Variants in TP53I13 observed in about 807,000 individuals in gnomAD.
TP53I13 encodes tumor protein p53 inducible protein 13, also known as tumor protein p53-inducible protein 13.
Under a neutral mutation model 39.1 loss-of-function variants are expected in TP53I13, and 27 were observed. That is an observed-to-expected ratio of 0.69 (90% CI 0.51 to 0.95). TP53I13 has a LOEUF of 0.95. Ranked by LOEUF, TP53I13 falls within the 40% of genes least tolerant of loss-of-function variation. TP53I13 has a pLI of 0.00. For synonymous variants in TP53I13, 230 were observed against 224.6 expected (o/e 1.02, Z -0.22); for missense variants, 544 against 520.4 (o/e 1.05, Z -0.44).
intron 2 of TP53I13, 94 bp downstream of exon 2, chr17:29,569,180 G>A: frequency 6.7e-7 from 1 of 1,495,090 alleles, no homozygotes; most frequent in Non-Finnish European, 9.1e-7. Flanking sequence ...CACCATCTGA[G>A]GACCTCTGCC....
At chr17:29,576,226 G>A (rs778326050), downstream of TP53I13, 9 of 1,607,740 alleles carry the variant, frequency 5.6e-6, no homozygotes, top group African/African-American at 1.2e-4. Flanking sequence ...TCACAGTGCT[G>A]TGGAAAGGCT....
chr17:29,575,924 G>C, downstream of TP53I13: 3 of 1,582,664 alleles, frequency 1.9e-6, no homozygotes, highest in East Asian at 2.3e-5. The surrounding 1 kb of genome is among the most constrained non-coding windows in gnomAD (Gnocchi z 5.5). Flanking sequence ...GCGCTGGATG[G>C]AGTCAGTGTG....
downstream of TP53I13, chr17:29,575,706 G>A (rs752519780): frequency 1.9e-6 from 3 of 1,612,380 alleles, no homozygotes; most frequent in East Asian, 6.7e-5. The surrounding 1 kb of genome is among the most constrained non-coding windows in gnomAD (Gnocchi z 5.5). Flanking sequence ...AGCTTGCTCT[G>A]GAGGGCGGAG....
chr17:29,578,642 G>A, the TP53I13 span: 17 of 1,201,290 alleles, frequency 1.4e-5, no homozygotes, highest in African/African-American at 4.5e-5. Context: ...AAAGGTCATC[G>A]AGTCAGAGGC....
chr17:29,576,839 T>C, downstream of TP53I13: 1 of 1,576,098 alleles, frequency 6.3e-7, no homozygotes, highest in Non-Finnish European at 8.6e-7. Context: ...CACAGGGGAG[T>C]GGGAAGGAGG....
At position 29,572,229 on chromosome 17, in the gene TP53I13, G is replaced by A. The variant is rs2032969041; in HGVS notation, c.601G>A (p.Gly201Ser). The change falls in exon 6 of 7, where the codon GGT (glycine) becomes AGT (serine). Residue 201 changes from glycine (G) to serine (S), a missense_variant. Physicochemically the swap from Gly to Ser is moderately conservative, Grantham distance 56. Coordinates refer to ENST00000301057, the MANE Select transcript of TP53I13 (RefSeq NM_138349.4). ...SQGPRQPSSSGAKRRRLRAAL... is the reference protein window; with the variant it reads ...SQGPRQPSSSSAKRRRLRAAL... ...AGGGCCCAGGCAGCCCTCTTCTAGT[G>A]GTGCCAAGAGGCGGAGGCTGCGGGC... 2 of 1,612,384 alleles carry A rather than the reference G, an allele frequency of 1.2e-6. No individual in the cohort carries two copies. Among genetic ancestry groups the A allele is most frequent in the African/African-American group, 2.7e-5 (2 of 75,062 alleles).
In TP53I13 at chr17:29,568,909, G is replaced by A; in HGVS notation, c.72+79G>A. Reference sequence around the variant, plus strand: ...CCAAAAGTTCGTCCTGGAAGGAGTGGCGCGCCGAGGGGGACGCGGAGTTCT... The same window carrying A: ...CCAAAAGTTCGTCCTGGAAGGAGTGACGCGCCGAGGGGGACGCGGAGTTCT... On this transcript the variant is annotated intron_variant, in intron 1 of 6. Transcript: ENST00000301057. This position sits in a 1 kb window ranked among gnomAD's most constrained non-coding sequence, Gnocchi z 4.5. 6.3e-7 allele frequency: 1 copy of A among 1,597,164 alleles called. No homozygotes were observed. The highest frequency in any genetic ancestry group is 1.7e-4 in the Middle Eastern group (1 of 6,048).
downstream of TP53I13, chr17:29,576,753 G>A: frequency 6.3e-7 from 1 of 1,591,530 alleles, no homozygotes; most frequent in Non-Finnish European, 8.6e-7. Flanking sequence ...TTGAGGCTAG[G>A]AGCAGCCCAC....
At chr17:29,578,636 GTCA>G in the TP53I13 span, 2 of 1,153,944 alleles carry the variant, frequency 1.7e-6, no homozygotes, top group South Asian at 2.4e-5. Context: ...CTTGGAAAAG[GTCA>G]TCGAGTCAGA....
chr17:29,576,498 C>G (rs755999294), downstream of TP53I13: 8 of 1,613,402 alleles, frequency 5.0e-6, no homozygotes, highest in Admixed American at 8.3e-5. Flanking sequence ...GGGGCTCCCC[C>G]TCCCACCGAG....
chr17:29,569,290 C>T (rs1332565236), intron 2 of TP53I13, 28 bp from the exon 3 acceptor site: 14 of 1,612,840 alleles, frequency 8.7e-6, no homozygotes, highest in Non-Finnish European at 1.2e-5. Flanking sequence ...CCCAACTGCC[C>T]TAAGCTCTGT....
downstream of TP53I13, chr17:29,577,366 C>G (rs2033246552): frequency 3.7e-6 from 3 of 811,718 alleles, no homozygotes; most frequent in South Asian, 3.2e-5. Flanking sequence ...CTAAAGCGTC[C>G]CAGCCTAGCT....
chr17:29,575,036 C>G (rs775569709), downstream of TP53I13: 2 of 1,518,700 alleles, frequency 1.3e-6, no homozygotes, highest in East Asian at 4.6e-5. The surrounding 1 kb of genome is among the most constrained non-coding windows in gnomAD (Gnocchi z 5.5). Flanking sequence ...CCTGCCCCAG[C>G]TCGAGGCCCT....
downstream of TP53I13, chr17:29,575,528 A>C (rs1338734180): frequency 2.2e-5 from 35 of 1,563,434 alleles, no homozygotes; most frequent in Non-Finnish European, 3.0e-5. This position sits in a 1 kb window ranked among gnomAD's most constrained non-coding sequence, Gnocchi z 5.5. Flanking sequence ...GACACGTTCC[A>C]GCCTCGGAGC....
chr17:29,572,094 G>C, intron 5 of TP53I13, 37 bp downstream of exon 5: 1 of 1,611,756 alleles, frequency 6.2e-7, no homozygotes, highest in Non-Finnish European at 8.5e-7. Flanking sequence ...TGGCCCTCGG[G>C]TTCTCTGAGA....
the TP53I13 span, chr17:29,579,036 A>G: frequency 6.3e-7 from 1 of 1,589,038 alleles, no homozygotes. Context: ...CAGAGGCGGC[A>G]GTTACCCAGG....
At chr17:29,581,959 A>G in the TP53I13 span, 2 of 1,612,552 alleles carry the variant, frequency 1.2e-6, no homozygotes, top group African/African-American at 2.7e-5. This position sits in a 1 kb window ranked among gnomAD's most constrained non-coding sequence, Gnocchi z 4.8. Context: ...GGCCATTAAC[A>G]TCAGGGGAGC....
downstream of TP53I13, chr17:29,577,763 C>A: frequency 6.7e-7 from 1 of 1,494,582 alleles, no homozygotes; most frequent in Non-Finnish European, 9.3e-7. Flanking sequence ...CGGACAGGAG[C>A]AGATCAGCCA....
Position 29,568,867 on chromosome 17 carries a change from G to C in TP53I13, c.72+37G>C, listed in dbSNP as rs1263639475. 3.1e-6 allele frequency: 5 copies of C among 1,599,602 alleles called. No individual in the cohort carries two copies. Among genetic ancestry groups the C allele is most frequent in the Non-Finnish European group, 4.2e-6 (5 of 1,179,008 alleles). On this transcript the variant is annotated intron_variant, in intron 1 of 6. Coordinates refer to ENST00000301057, the MANE Select transcript of TP53I13 (RefSeq NM_138349.4). This position sits in a 1 kb window ranked among gnomAD's most constrained non-coding sequence, Gnocchi z 4.5. Reference sequence around the variant, plus strand: ...CGCTCCTGGGAAGGCCTCGGCCCGCGAGCTCAAAGCGCTTTGCCAAAAGTT... The same window carrying C: ...CGCTCCTGGGAAGGCCTCGGCCCGCCAGCTCAAAGCGCTTTGCCAAAAGTT...
Sources: gnomAD v4.1 joint callset for allele counts on GRCh38, gnomAD v4.1.1 for gene constraint, Gnocchi (gnomAD v3.1) non-coding constraint, MANE v1.5 for transcripts, NCBI Gene and HGNC (gene_info 2026-07-23, HGNC 2026-07-21) for gene names.